Variants in GDI2 observed in about 807,000 individuals in gnomAD.
The protein encoded by GDI2 is rab GDP dissociation inhibitor beta.
In GDI2, 22 loss-of-function variants were observed where a neutral mutation model predicts 54.2. That is an observed-to-expected ratio of 0.41 (90% CI 0.29 to 0.58). GDI2 has a LOEUF of 0.58. Among genes scored for constraint, GDI2 ranks in the 20% least tolerant of loss-of-function variants. The pLI, the probability that GDI2 is intolerant of heterozygous loss-of-function variation, is 0.35. For synonymous variants in GDI2, 177 were observed against 182.1 expected, an observed-to-expected ratio of 0.97 and a Z score of 0.23; for missense variants, 422 against 546.0, an observed-to-expected ratio of 0.77 and a Z score of 2.26.
chr10:5,775,832 T>C (rs1432681167), intron 6 of GDI2, among the ~76,000 whole-genome samples: 1 of 152,146 alleles, frequency 6.6e-6, no homozygotes, highest in African/African-American at 2.4e-5. Flanking sequence ...GCGTGTGACG[T>C]CATGGCACCG....
intron 7 of GDI2, among the ~76,000 whole-genome samples, chr10:5,770,699 C>T (rs1397434035): frequency 1.3e-5 from 2 of 152,066 alleles, no homozygotes; most frequent in African/African-American, 4.8e-5. Flanking sequence ...GGCGCAGTGG[C>T]TGACGCCTGT....
intron 1 of GDI2, among the ~76,000 whole-genome samples, chr10:5,805,708 G>A (rs879847199): frequency 2.0e-5 from 3 of 152,204 alleles, no homozygotes; most frequent in South Asian, 2.1e-4. Flanking sequence ...TGATGATGCT[G>A]GTCCAGGACC....
chr10:5,767,206 C>T (rs1454675814), intron 8 of GDI2, among the ~76,000 whole-genome samples: 1 of 150,388 alleles, frequency 6.6e-6, no homozygotes, highest in Non-Finnish European at 1.5e-5. Flanking sequence ...AAAAAAAAAA[C>T]TCTGGGACCT....
chr10:5,811,806 A>G (rs539235150), intron 1 of GDI2: 26 of 410,008 alleles, frequency 6.3e-5, no homozygotes, highest in Middle Eastern at 3.6e-4. Context: ...ATATTCTCTA[A>G]TAATTGCATA....
rs1347153362 is a variant in GDI2 at position 5,785,840 on chromosome 10, C to A, written c.587+12G>T. ...TCAAGAAAAATACAAATCTAAAAAC[C>A]AAAATACTTACTCATCAGTTCTGTA... On this transcript the variant is annotated intron_variant, in intron 5 of 10. Coordinates refer to ENST00000380191, the MANE Select transcript of GDI2 (RefSeq NM_001494.4). The A allele has an allele frequency of 6.7e-7, 1 of 1,503,316 alleles. No homozygotes were observed. The highest frequency in any genetic ancestry group is 9.2e-7 in the Non-Finnish European group (1 of 1,092,880). The allele number at this position is 1,503,316 out of a possible 1,614,324, so 93.1% of individuals were successfully genotyped here.
chr10:5,803,787 C>G (rs1024494114), intron 1 of GDI2, among the ~76,000 whole-genome samples: 7 of 152,066 alleles, frequency 4.6e-5, no homozygotes, highest in Admixed American at 2.0e-4. Context: ...TGAAGAAACA[C>G]AGAGATGGGG....
chr10:5,791,957 T>C (rs982702583), intron 4 of GDI2, among the ~76,000 whole-genome samples: 1 of 152,090 alleles, frequency 6.6e-6, no homozygotes, highest in Non-Finnish European at 1.5e-5. Context: ...ATACTGTCTC[T>C]GGTCTGGCTG....
chr10:5,796,691 T>C, intron 3 of GDI2, 72 bp downstream of exon 3: 2 of 804,350 alleles, frequency 2.5e-6, no homozygotes, highest in East Asian at 2.4e-5. Flanking sequence ...AATAGTACTC[T>C]GTCAAAAGTT....
At chr10:5,780,470 T>A (rs1320881226) in intron 6 of GDI2, among the ~76,000 whole-genome samples, 2 of 152,024 alleles carry the variant, frequency 1.3e-5, no homozygotes, top group Non-Finnish European at 2.9e-5. Context: ...AAAAGAAGAA[T>A]CTCTTTATTC....
intron 4 of GDI2, among the ~76,000 whole-genome samples, chr10:5,791,425 C>G (rs113569569): frequency 0.012 from 1,778 of 152,286 alleles, 18 homozygotes; most frequent in South Asian, 0.018. Context: ...GCCTGGCCAA[C>G]ATGGCGAAAC....
chr10:5,802,310 C>T (rs1016208795), intron 1 of GDI2, among the ~76,000 whole-genome samples: 5 of 151,896 alleles, frequency 3.3e-5, no homozygotes, highest in Non-Finnish European at 5.9e-5. Flanking sequence ...TTAGAATTAC[C>T]GAAAACTTGG....
At position 5,786,014 on chromosome 10, in the gene GDI2, T is replaced by C. The variant is rs1840866877; in HGVS notation, c.425A>G (p.Lys142Arg). 1 of 1,613,796 alleles carries C rather than the reference T, an allele frequency of 6.2e-7. No individual in the cohort carries two copies. The highest frequency in any genetic ancestry group is 8.5e-7 in the Non-Finnish European group (1 of 1,179,814). ...MGLFEKRRFR[K>R]FLVYVANFDE... ...GAAGTTGGCAACATACACTAGGAAT[T>C]TCCTGAAGCGACGTTTTTCAAACAA... The change falls in exon 5 of 11, where the codon AAA becomes AGA. Residue 142 changes from lysine (K) to arginine (R), a missense_variant. Transcript: ENST00000380191.
Position 5,785,041 on chromosome 10 carries a change from T to G in GDI2, c.719+101A>C, listed in dbSNP as rs558611390. On this transcript the variant is annotated intron_variant, in intron 6 of 10. Transcript: ENST00000380191. ...ATAAAAATAAAAAGCATCTTATTAC[T>G]CATAGACTGATCTCATCTCATTATT... 5.6e-6 allele frequency: 4 copies of G among 714,546 alleles called. No homozygotes were observed. In the South Asian group the frequency reaches 1.3e-4, roughly 23 times the overall value. The allele number at this position is 714,546 out of a possible 1,614,324, so 44.3% of individuals were successfully genotyped here.
chr10:5,780,942 A>G (rs1174500714), intron 6 of GDI2, among the ~76,000 whole-genome samples: 1 of 152,200 alleles, frequency 6.6e-6, no homozygotes, highest in Non-Finnish European at 1.5e-5. Flanking sequence ...CCCAAAACAA[A>G]TTCTGAAGAA....
At chr10:5,804,238 C>G (rs1186917600) in intron 1 of GDI2, among the ~76,000 whole-genome samples, 1 of 152,062 alleles carries the variant, frequency 6.6e-6, no homozygotes, top group African/African-American at 2.4e-5. Flanking sequence ...GGATTACAGG[C>G]ATGCACCATC....
intron 1 of GDI2, among the ~76,000 whole-genome samples, chr10:5,811,563 G>A (rs921215967): frequency 6.6e-6 from 1 of 151,628 alleles, no homozygotes; most frequent in African/African-American, 2.4e-5. Flanking sequence ...GAACTAACCG[G>A]CTCTTAAAAC....
rs1029110097 is a variant in GDI2, at chr10:5,774,568, C to T, written c.720-627G>A. ...AACCAATCACCGGAACAGTTCCTCTCGGCCGCAGCGGCTCTGCATCCATAG... is the reference window on the plus strand; with the variant it reads ...AACCAATCACCGGAACAGTTCCTCTTGGCCGCAGCGGCTCTGCATCCATAG... On this transcript the variant is annotated intron_variant, in intron 6 of 10. Transcript: ENST00000380191. This position sits in a 1 kb window ranked among gnomAD's most constrained non-coding sequence, Gnocchi z 4.8. Among the ~76,000 whole-genome samples the T allele has an allele frequency of 2.0e-5, 3 of 152,138 alleles. No homozygotes were observed. Among genetic ancestry groups the T allele is most frequent in the East Asian group, 1.9e-4 (1 of 5,188 alleles).
intron 6 of GDI2, among the ~76,000 whole-genome samples, chr10:5,778,093 C>T (rs1184132664): frequency 6.6e-6 from 1 of 152,126 alleles, no homozygotes; most frequent in East Asian, 1.9e-4. Flanking sequence ...AATGACAACA[C>T]ATGGACACAG....
At chr10:5,790,940 G>A (rs1007096228) in intron 4 of GDI2, among the ~76,000 whole-genome samples, 4 of 152,098 alleles carry the variant, frequency 2.6e-5, no homozygotes, top group South Asian at 4.1e-4. Context: ...ATGACTGCTT[G>A]AGCCCAGGAA....
Sources: allele counts gnomAD v4.1 joint callset (sites outside exome capture counted in the v4.1 genomes callset), GRCh38; gene constraint gnomAD v4.1.1; non-coding constraint Gnocchi (gnomAD v3.1); transcripts MANE v1.5; gene names NCBI Gene and HGNC (gene_info 2026-07-23, HGNC 2026-07-21).